Variants in MYBBP1A observed in about 807,000 individuals in gnomAD.
The protein encoded by MYBBP1A is MYB binding protein 1a.
A neutral mutation model predicts 136.3 loss-of-function variants in MYBBP1A; 147 were observed. The ratio of observed to expected loss-of-function variants is 1.08; its 90% CI spans 0.94 to 1.24. The LOEUF is 1.24. MYBBP1A is among the 50% of genes most tolerant of loss of function. The pLI, the probability that MYBBP1A is intolerant of heterozygous loss-of-function variation, is 0.00. For synonymous variants in MYBBP1A, 947 were observed against 735.8 expected (o/e 1.29, Z -4.65); for missense variants, 2,060 against 1,727.4 (o/e 1.19, Z -3.41).
chr17:4,543,265 G>A (rs1906641193), intron 19 of MYBBP1A, 100 bp from the exon 20 acceptor site: 4 of 1,435,294 alleles, frequency 2.8e-6, no homozygotes, highest in Non-Finnish European at 3.7e-6. Flanking sequence ...TGGGGAAACA[G>A]ACCTAGAAGA....
Position 4,544,572 on chromosome 17 carries a change from C to T in MYBBP1A, c.2556G>A (p.Leu852=). 6.4e-7 allele frequency: 1 copy of T among 1,573,272 alleles called. No homozygotes were observed. The highest frequency in any genetic ancestry group is 8.6e-7 in the Non-Finnish European group (1 of 1,159,944). The part of the protein sequence containing the change: ...NALVLELLEP[L]LSIIRRSLRS... ...GCAGGCTGCGCCGGATGATGCTCAG[C>T]AGCGGCTCCAGCAGCTCCAGGACCA... Residue 852 remains leucine, a synonymous_variant, in exon 19 of 26, where the codon CTG becomes CTA. Transcript: ENST00000254718.
At chr17:4,544,964 C>T (rs1207900117) in intron 17 of MYBBP1A, 43 bp from the exon 18 acceptor site, 1 of 1,566,564 alleles carries the variant, frequency 6.4e-7, no homozygotes, top group Non-Finnish European at 8.6e-7. Context: ...CTCGGGCAGG[C>T]ACACAACATG....
chr17:4,544,799 C>G lies in MYBBP1A; in HGVS notation c.2433G>C (p.Lys811Asn), dbSNP rs776874558. 10 of 1,599,788 alleles carry G rather than the reference C, an allele frequency of 6.3e-6. No individual in the cohort carries two copies. Among genetic ancestry groups the G allele is most frequent in the South Asian group, 3.4e-5 (3 of 88,668 alleles). Residue 811 changes from lysine (K) to asparagine (N), a missense_variant, in exon 18 of 26, where the codon AAG becomes AAC. Physicochemically the swap from Lys to Asn is moderately conservative, Grantham distance 94. Transcript: ENST00000254718. ...GAGCCTTCTCCTTCTGCAGCTTGTT[C>G]TTCTCGTCTCGCCGGGCCTGGATAC... ...KLRIQARRDE[K>N]NKLQKEKALR...
rs369018364 is a variant in MYBBP1A, at chr17:4,542,478, G to A, written c.3073C>T (p.Arg1025Trp). 1.2e-5 allele frequency: 19 copies of A among 1,609,572 alleles called. No individual in the cohort carries two copies. The Admixed American group carries it at 1.5e-4, about 13-fold the overall frequency. Residue 1025 changes from arginine to tryptophan, a missense_variant, in exon 22 of 26, where the codon CGG becomes TGG. By Grantham distance (101) the Arg-to-Trp change is moderately radical. Transcript: ENST00000254718. ...ILVQHITGPV[R>W]PRHQACLLLQ... ...AAGTCTCTCACCTGATGACGGGGCC[G>A]CACCGGGCCCGTGATATGCTGGACC...
At chr17:4,553,183 C>T (rs1257374738) in intron 5 of MYBBP1A, among the ~76,000 whole-genome samples, 2 of 152,186 alleles carry the variant, frequency 1.3e-5, no homozygotes, top group Non-Finnish European at 2.9e-5. Context: ...ATTTCATACA[C>T]GAGGAGCCCT....
rs765146802 is a variant in MYBBP1A at position 4,544,855 on chromosome 17, G to A, written c.2377C>T (p.Leu793Phe). The A allele has an allele frequency of 6.2e-6, 10 of 1,607,800 alleles. No homozygotes were observed. Among genetic ancestry groups the A allele is most frequent in the South Asian group, 1.1e-5 (1 of 89,756 alleles). Reference sequence around the variant, plus strand: ...TTCTGCTCGGCAAAGAGGCTGGCGAGGCTCTGGTCCAGGGCCATCATGGCC... The same window carrying A: ...TTCTGCTCGGCAAAGAGGCTGGCGAAGCTCTGGTCCAGGGCCATCATGGCC... ...DEAMMALDQS[L>F]ASLFAEQKLR... is the part of the protein sequence containing the mutation. The change falls in exon 18 of 26, where the codon CTC (leucine) becomes TTC (phenylalanine). Residue 793 changes from leucine to phenylalanine, a missense_variant. Coordinates refer to ENST00000254718, the MANE Select transcript of MYBBP1A (RefSeq NM_014520.4).
rs1340359716 is a variant in MYBBP1A, at chr17:4,554,076, A to G, written c.396T>C (p.Ala132=). The G allele has an allele frequency of 7.4e-6, 12 of 1,613,850 alleles. No individual in the cohort carries two copies. Among genetic ancestry groups the G allele is most frequent in the Non-Finnish European group, 9.3e-6 (11 of 1,180,026 alleles). The change falls in exon 4 of 26, where the codon GCT becomes GCC. Residue 132 remains alanine, a synonymous_variant. Transcript: ENST00000254718. Reference sequence around the variant, plus strand: ...GCACTCCAAACAGGTTTGCAAAGAGAGCAGGTCTCAGCATTGCCTAGAAAA... The same window carrying G: ...GCACTCCAAACAGGTTTGCAAAGAGGGCAGGTCTCAGCATTGCCTAGAAAA... ...HQVKKAMLRP[A]LFANLFGVLA... is the part of the protein sequence containing the mutation.
intron 19 of MYBBP1A, among the ~76,000 whole-genome samples, chr17:4,543,886 C>T (rs1271584363): frequency 3.3e-5 from 5 of 151,030 alleles, no homozygotes; most frequent in Non-Finnish European, 5.9e-5. Context: ...GACTCAGACC[C>T]TTCCCCACGC....
chr17:4,554,530 C>T (rs1907851543), intron 2 of MYBBP1A, among the ~76,000 whole-genome samples: 1 of 152,336 alleles, frequency 6.6e-6, no homozygotes. Context: ...TGCTCTGCCC[C>T]TTGTCAAGGC....
intron 20 of MYBBP1A, 52 bp from the exon 21 acceptor site, chr17:4,542,793 T>C (rs758900317): frequency 6.2e-7 from 1 of 1,605,694 alleles, no homozygotes; most frequent in Admixed American, 1.7e-5. Context: ...GTCCCTGGGA[T>C]GGGAGCAGAG....
At position 4,544,898 on chromosome 17, in the gene MYBBP1A, C is replaced by CTCGT; in HGVS notation, c.2330_2333dup (p.Glu779ArgfsTer7). On this transcript the variant is annotated frameshift_variant, in exon 18 of 26. Transcript: ENST00000254718. LOFTEE classifies it high-confidence loss of function. ...TCATGGCCTCATCCCCCAGCTCCTC[C>CTCGT]TCGTTCTCACTGTCCTCTCCACCCT... is the stretch of plus-strand genomic sequence containing the variant. 6.2e-7 allele frequency: 1 copy of CTCGT among 1,603,854 alleles called. No individual in the cohort carries two copies. The highest frequency in any genetic ancestry group is 8.5e-7 in the Non-Finnish European group (1 of 1,174,638).
chr17:4,554,510 G>A (rs891230442), intron 2 of MYBBP1A, among the ~76,000 whole-genome samples: 2 of 152,118 alleles, frequency 1.3e-5, no homozygotes, highest in African/African-American at 4.8e-5. Flanking sequence ...CTGCAGGCCT[G>A]GGTCTTTATT....
In MYBBP1A at chr17:4,539,522, C is replaced by T. The variant is rs117506528; in HGVS notation, c.3880G>A (p.Ala1294Thr). The change falls in exon 26 of 26, where the codon GCG becomes ACG. Residue 1294 changes from alanine to threonine, a missense_variant. Ala to Thr is a moderately conservative substitution (Grantham distance 58). Coordinates refer to ENST00000254718, the MANE Select transcript of MYBBP1A (RefSeq NM_014520.4). The part of the protein sequence containing the change: ...KGVLGKSPLS[A>T]LARKKARLSL... ...AGCCTTGCCTTTTTCCGTGCCAGCG[C>T]GGACAGTGGTGATTTGCCCAAGACC... 1.4e-3 allele frequency: 2,314 copies of T among 1,614,138 alleles called. 2 individuals carry two copies. Among genetic ancestry groups the T allele is most frequent in the Non-Finnish European group, 1.8e-3 (2,080 of 1,180,028 alleles).
chr17:4,547,548 A>G (rs1230590305), intron 13 of MYBBP1A: 1 of 170,328 alleles, frequency 5.9e-6, no homozygotes, highest in Non-Finnish European at 1.2e-5. Flanking sequence ...TGAGAAGAAA[A>G]CTCAAAAGAA....
At chr17:4,541,405 G>T (rs1392666834) in intron 24 of MYBBP1A, 58 bp downstream of exon 24, 1 of 1,465,430 alleles carries the variant, frequency 6.8e-7, no homozygotes, top group South Asian at 1.1e-5. Flanking sequence ...CTGGCCGGGA[G>T]GCCCCAAGGC....
Position 4,540,247 on chromosome 17 carries a change from G to GCA in MYBBP1A, c.3434+100_3434+101insTG. The GCA allele has an allele frequency of 3.6e-6, 5 of 1,403,474 alleles. No individual in the cohort carries two copies. The African/African-American group carries it at 5.0e-5, about 14-fold the overall frequency. The allele number at this position is 1,403,474 out of a possible 1,614,324, so 86.9% of individuals were successfully genotyped here. The stretch of plus-strand genomic sequence containing the variant: ...GTGTGCAGCAGCATGCGTGTGCAGT[G>GCA]TGCGTGTGCAGCAGCGTGTGTGCAG... On this transcript the variant is annotated intron_variant, in intron 25 of 25. Transcript: ENST00000254718.
intron 9 of MYBBP1A, 101 bp from the exon 10 acceptor site, chr17:4,549,543 A>C (rs1907319127): frequency 2.0e-6 from 2 of 1,000,502 alleles, no homozygotes; most frequent in Admixed American, 4.2e-5. Context: ...TTGGGAGGCC[A>C]AGGCTGGCCA....
At chr17:4,551,709 CA>C (rs972036267) in intron 8 of MYBBP1A, among the ~76,000 whole-genome samples, 170 bp downstream of exon 8, 78 of 146,494 alleles carry the variant, frequency 5.3e-4, no homozygotes, top group South Asian at 6.4e-4. Flanking sequence ...AACTTCATCT[CA>C]AAAAAAAAAA....
chr17:4,541,590 C>T, intron 23 of MYBBP1A, 26 bp from the exon 24 acceptor site: 1 of 1,602,574 alleles, frequency 6.2e-7, no homozygotes, highest in African/African-American at 1.3e-5. Flanking sequence ...CAGGCTGAGG[C>T]ACTCCGGAGA....
Sources: allele counts gnomAD v4.1 joint callset (sites outside exome capture counted in the v4.1 genomes callset), GRCh38; gene constraint gnomAD v4.1.1; transcripts MANE v1.5; gene names NCBI Gene and HGNC (gene_info 2026-07-23, HGNC 2026-07-21).